FOXO1: variants seen among roughly 807,000 people sequenced by gnomAD.
FOXO1 encodes the protein forkhead box protein O1.
Under a neutral mutation model 44.1 loss-of-function variants are expected in FOXO1, and 6 were observed. That is an observed-to-expected ratio of 0.14 (90% CI 0.07 to 0.27). FOXO1 has a LOEUF of 0.27. FOXO1 is among the 10% of genes least tolerant of loss of function. The pLI is 1.00. For synonymous variants in FOXO1, 380 were observed against 362.7 expected (o/e 1.05, Z -0.54); for missense variants, 737 against 888.8 (o/e 0.83, Z 2.17).
chr13:40,620,090 T>C, intron 1 of FOXO1: 2 of 1,054,744 alleles, frequency 1.9e-6, no homozygotes, highest in South Asian at 1.4e-5. Flanking sequence ...CAAGTCTTTT[T>C]AGAGCAAGAT....
At position 40,662,436 on chromosome 13, in the gene FOXO1, T is replaced by A. The variant is rs369599233; in HGVS notation, c.630+3147A>T. On this transcript the variant is annotated intron_variant, in intron 1 of 2. Transcript: ENST00000379561. The stretch of plus-strand genomic sequence containing the variant: ...GGTCATGGAAATGAAGTTTCATTAT[T>A]TATAAATACTGCACTAGATTTAGAA... Among the ~76,000 whole-genome samples, 53 of 152,278 alleles carry A rather than the reference T, an allele frequency of 3.5e-4. No homozygotes were observed. The East Asian group carries it at 8.7e-3, about 25-fold the overall frequency.
At chr13:40,652,533 G>A (rs542872941) in intron 1 of FOXO1, among the ~76,000 whole-genome samples, 7 of 152,156 alleles carry the variant, frequency 4.6e-5, no homozygotes, top group Non-Finnish European at 1.0e-4. Context: ...CCACCGTGCC[G>A]GCCCAAACTG....
At chr13:40,582,254 C>A (rs1042714595) in intron 1 of FOXO1, among the ~76,000 whole-genome samples, 4 of 152,200 alleles carry the variant, frequency 2.6e-5, no homozygotes, top group Admixed American at 2.6e-4. Context: ...TAATTAAAAA[C>A]TTTTATTGTT....
chr13:40,557,043 T>C lies in FOXO1; in HGVS notation c.*2006A>G, dbSNP rs1593375642. 6.6e-6 allele frequency: 1 copy of C among 152,160 alleles called. No homozygotes were observed. The highest frequency in any genetic ancestry group is 2.1e-4 in the South Asian group (1 of 4,832). 9.4% of individuals were successfully genotyped at this position (152,160 alleles called of 1,614,324 possible). Reference sequence around the variant, plus strand: ...CAATGAATCTTCAAAAAAATGATCATCACAGTGGGAAGCTTACAATAGAGC... The same window carrying C: ...CAATGAATCTTCAAAAAAATGATCACCACAGTGGGAAGCTTACAATAGAGC... On this transcript the variant is annotated 3_prime_UTR_variant, in exon 3 of 3. Transcript: ENST00000379561.
At chr13:40,567,342 C>G (rs937327985) in intron 1 of FOXO1, among the ~76,000 whole-genome samples, 1 of 151,980 alleles carries the variant, frequency 6.6e-6, no homozygotes, top group Non-Finnish European at 1.5e-5. Flanking sequence ...ATTATATAAA[C>G]TATGTATTTT....
intron 1 of FOXO1, among the ~76,000 whole-genome samples, chr13:40,658,649 C>T (rs888699274): frequency 2.0e-5 from 3 of 152,186 alleles, no homozygotes; most frequent in Non-Finnish European, 2.9e-5. Flanking sequence ...CTGGAGAAGC[C>T]AGATGGCAGG....
At chr13:40,569,802 G>T (rs1874411107) in intron 1 of FOXO1, among the ~76,000 whole-genome samples, 1 of 151,972 alleles carries the variant, frequency 6.6e-6, no homozygotes, top group Non-Finnish European at 1.5e-5. Context: ...AAATAGATTG[G>T]GTTTTGCTAT....
chr13:40,652,703 A>T (rs917409386), intron 1 of FOXO1, among the ~76,000 whole-genome samples: 27 of 152,206 alleles, frequency 1.8e-4, no homozygotes, highest in African/African-American at 6.5e-4. Flanking sequence ...GAACAATAAA[A>T]TCCACATTGT....
chr13:40,657,493 CA>C (rs1217479070), intron 1 of FOXO1, among the ~76,000 whole-genome samples: 1 of 152,036 alleles, frequency 6.6e-6, no homozygotes, highest in Non-Finnish European at 1.5e-5. Flanking sequence ...CCACCACACT[CA>C]CTTAATCTCT....
chr13:40,574,560 T>C (rs1037391419), intron 1 of FOXO1, among the ~76,000 whole-genome samples: 2 of 152,262 alleles, frequency 1.3e-5, no homozygotes, highest in African/African-American at 4.8e-5. Flanking sequence ...TTATTGGCTC[T>C]ACTGTCACAG....
chr13:40,632,250 G>A (rs1172585838), intron 1 of FOXO1, among the ~76,000 whole-genome samples: 1 of 152,168 alleles, frequency 6.6e-6, no homozygotes, highest in African/African-American at 2.4e-5. Flanking sequence ...CAGCCTGGGT[G>A]ACACAGCGAG....
intron 1 of FOXO1, among the ~76,000 whole-genome samples, chr13:40,664,100 C>T (rs1226071748): frequency 1.3e-5 from 2 of 152,314 alleles, no homozygotes; most frequent in East Asian, 3.9e-4. Flanking sequence ...TGGTGAAACC[C>T]GGTCTCTACT....
At chr13:40,607,490 G>C (rs1301434044) in intron 1 of FOXO1, among the ~76,000 whole-genome samples, 1 of 139,294 alleles carries the variant, frequency 7.2e-6, no homozygotes, top group Non-Finnish European at 1.6e-5. Context: ...TGTTCCTAGA[G>C]TGCTTTACTA....
At chr13:40,618,599 C>A in intron 1 of FOXO1, 2 of 306,566 alleles carry the variant, frequency 6.5e-6, no homozygotes, top group Non-Finnish European at 1.3e-5. Context: ...AACTAAGAAC[C>A]CTGAAGACCA....
rs79987045 is a variant in FOXO1, at chr13:40,589,473, G to A, written c.631-28613C>T. On this transcript the variant is annotated intron_variant, in intron 1 of 2. Transcript: ENST00000379561. ...ACAGTATGTAAGTGTCACTAAAACC[G>A]GAAACTGCTGCAAAATAACAGAATA... Among the ~76,000 whole-genome samples, 197 of 152,238 alleles carry A rather than the reference G, an allele frequency of 1.3e-3. 2 individuals carry two copies. Among genetic ancestry groups the A allele is most frequent in the East Asian group, 6.8e-3 (35 of 5,180 alleles).
At chr13:40,654,393 T>C (rs1432505741) in intron 1 of FOXO1, among the ~76,000 whole-genome samples, 2 of 129,988 alleles carry the variant, frequency 1.5e-5, no homozygotes, top group Non-Finnish European at 3.1e-5. Context: ...TCCCAGCTAC[T>C]CAGGAGGCTG....
chr13:40,617,737 C>A (rs1350133139), intron 1 of FOXO1, among the ~76,000 whole-genome samples: 2 of 152,118 alleles, frequency 1.3e-5, no homozygotes, highest in Non-Finnish European at 2.9e-5. Flanking sequence ...ATGTAAGTAA[C>A]AATGTTGAAC....
chr13:40,660,620 C>T (rs755941060), intron 1 of FOXO1, among the ~76,000 whole-genome samples: 7 of 152,182 alleles, frequency 4.6e-5, no homozygotes, highest in African/African-American at 9.7e-5. Flanking sequence ...CATTTCGTAT[C>T]GCCTCGGAGA....
At chr13:40,577,430 T>C (rs186778344) in intron 1 of FOXO1, among the ~76,000 whole-genome samples, 107 of 151,990 alleles carry the variant, frequency 7.0e-4, no homozygotes, top group African/African-American at 2.5e-3. Context: ...TAAGACAGGG[T>C]CTAAAACTCA....
Sources: allele counts gnomAD v4.1 joint callset (sites outside exome capture counted in the v4.1 genomes callset), GRCh38; gene constraint gnomAD v4.1.1; transcripts MANE v1.5; gene names NCBI Gene and HGNC (gene_info 2026-07-23, HGNC 2026-07-21).